The following RNF38 variants were observed in gnomAD, a reference collection of about 807,000 sequenced individuals.
RNF38 encodes the protein E3 ubiquitin-protein ligase RNF38.
Under a neutral mutation model 67.2 loss-of-function variants are expected in RNF38, and 15 were observed. The ratio of observed to expected loss-of-function variants is 0.22; its 90% CI spans 0.15 to 0.34. The LOEUF (loss-of-function observed/expected upper bound fraction) is 0.34, where lower values mean the gene tolerates loss of function less well. RNF38 is among the 10% of genes least tolerant of loss of function. The pLI is 1.00. For synonymous variants in RNF38, 220 were observed against 218.8 expected, an observed-to-expected ratio of 1.01 and a Z score of -0.05; for missense variants, 524 against 639.9, an observed-to-expected ratio of 0.82 and a Z score of 1.95.
At chr9:36,457,320 G>A (rs774954587) in intron 1 of RNF38, among the ~76,000 whole-genome samples, 1 of 152,124 alleles carries the variant, frequency 6.6e-6, no homozygotes, top group Non-Finnish European at 1.5e-5. Flanking sequence ...TTGGAGTAAG[G>A]CATGCTTTAA....
chr9:36,400,381 G>T (rs907416845), upstream of RNF38: 3 of 1,171,184 alleles, frequency 2.6e-6, no homozygotes, highest in Non-Finnish European at 2.1e-6. Context: ...GCCGGGCAGC[G>T]GGCCGGCGGC....
intron 2 of RNF38, among the ~76,000 whole-genome samples, chr9:36,412,982 G>C (rs1192515629): frequency 6.6e-6 from 1 of 152,080 alleles, no homozygotes; most frequent in Non-Finnish European, 1.5e-5. Flanking sequence ...TGAAGCAGGA[G>C]AATCGCTTGA....
At chr9:36,381,362 G>A (rs976458100) in intron 2 of RNF38, among the ~76,000 whole-genome samples, 1 of 152,080 alleles carries the variant, frequency 6.6e-6, no homozygotes, top group Admixed American at 6.6e-5. Context: ...TTCTTGGCCT[G>A]GACAGGAAGG....
At chr9:36,461,790 G>A (rs939872773) in intron 1 of RNF38, among the ~76,000 whole-genome samples, 7 of 152,114 alleles carry the variant, frequency 4.6e-5, no homozygotes, top group African/African-American at 1.4e-4. Context: ...AAGCATTTCC[G>A]ATGGAAAAAA....
At position 36,336,954 on chromosome 9, in the gene RNF38, T is replaced by C. The variant is rs1291373644; in HGVS notation, c.*2798A>G. 6.6e-6 allele frequency: 1 copy of C among 152,156 alleles called. No individual in the cohort carries two copies. Among genetic ancestry groups the C allele is most frequent in the Non-Finnish European group, 1.5e-5 (1 of 68,040 alleles). 9.4% of individuals were successfully genotyped at this position (152,156 alleles called of 1,614,324 possible). A position where few individuals can be genotyped will look rare whatever the true frequency, so the allele number is the denominator to read the frequency against. On this transcript the variant is annotated 3_prime_UTR_variant, in exon 12 of 12. Coordinates refer to ENST00000259605, the MANE Select transcript of RNF38 (RefSeq NM_022781.5). ...AATCCTAATATGAGATCTTGATACCTGGAGGCCTTATTTTTTTGAGGGGCT... is the reference window on the plus strand; with the variant it reads ...AATCCTAATATGAGATCTTGATACCCGGAGGCCTTATTTTTTTGAGGGGCT...
At chr9:36,372,590 TA>T (rs1256613796) in intron 3 of RNF38, 1 of 709,738 alleles carries the variant, frequency 1.4e-6, no homozygotes, top group African/African-American at 1.8e-5. Flanking sequence ...TGCTTATAGG[TA>T]ACCTATATTA....
intron 1 of RNF38, among the ~76,000 whole-genome samples, chr9:36,397,649 A>C (rs1277066093): frequency 3.9e-5 from 6 of 152,222 alleles, no homozygotes; most frequent in Non-Finnish European, 8.8e-5. Context: ...CCCAGTCCAC[A>C]ATCCCATAAG....
chr9:36,416,114 AC>A (rs1838461639), intron 2 of RNF38, among the ~76,000 whole-genome samples: 1 of 148,426 alleles, frequency 6.7e-6, no homozygotes, highest in Admixed American at 6.8e-5. Flanking sequence ...GCGGAAAAAG[AC>A]CATCAAGTAA....
chr9:36,361,151 T>C lies in RNF38; in HGVS notation c.571-3209A>G, dbSNP rs542699940. On this transcript the variant is annotated intron_variant, in intron 4 of 11. Transcript: ENST00000259605. ...ATTTTGCTGAATCCAAGACATCAGATTGTATAGTCATTTTTTCCCCATACT... is the reference window on the plus strand; with the variant it reads ...ATTTTGCTGAATCCAAGACATCAGACTGTATAGTCATTTTTTCCCCATACT... 1.5e-3 allele frequency among the ~76,000 whole-genome samples: 232 copies of C among 151,850 alleles called. 1 individual carries two copies. The highest frequency in any genetic ancestry group is 5.4e-3 in the African/African-American group (223 of 41,396).
chr9:36,391,513 C>T (rs1035867336), intron 1 of RNF38, among the ~76,000 whole-genome samples: 1 of 151,182 alleles, frequency 6.6e-6, no homozygotes, highest in African/African-American at 2.4e-5. Flanking sequence ...ACATGGTCTT[C>T]TTTTTAGAGT....
At chr9:36,394,085 G>C (rs1222183002) in intron 1 of RNF38, among the ~76,000 whole-genome samples, 3 of 152,228 alleles carry the variant, frequency 2.0e-5, no homozygotes, top group African/African-American at 7.2e-5. Context: ...GACCAACCTG[G>C]CCAACATGAT....
chr9:36,408,974 G>C lies in RNF38; in HGVS notation n.312+15639C>G, dbSNP rs1215884170. Among the ~76,000 whole-genome samples, 9 of 152,282 alleles carry C rather than the reference G, an allele frequency of 5.9e-5. No homozygotes were observed. The East Asian group carries it at 1.5e-3, about 26-fold the overall frequency. On this transcript the variant is annotated intron_variant and non_coding_transcript_variant, in intron 2 of 3. Coordinates refer to the RNF38 transcript ENST00000488058. ...GGCAGAAGGGAGCGGATCACTTGAA[G>C]TCAGGAGTTCGAGGCCAGCCTGGCC...
intron 2 of RNF38, among the ~76,000 whole-genome samples, chr9:36,380,285 C>A (rs910484383): frequency 6.6e-6 from 1 of 152,166 alleles, no homozygotes; most frequent in African/African-American, 2.4e-5. Flanking sequence ...CTGCAACCTC[C>A]GCCTCCTGGG....
intron 2 of RNF38, among the ~76,000 whole-genome samples, chr9:36,384,579 T>C (rs144383738): frequency 1.3e-5 from 2 of 152,328 alleles, no homozygotes; most frequent in East Asian, 3.9e-4. Context: ...CTGAAAAATA[T>C]CCACCAGATG....
Position 36,341,793 on chromosome 9 carries a change from AATATATATATATATAT to A in RNF38, c.1485+516_1485+531del, listed in dbSNP as rs1193028456. ...GTGACACACTGAGACCCTGTTTCAA[AATATATATATATATAT>A]ATATATATATATATATATATATATA... On this transcript the variant is annotated intron_variant, in intron 11 of 11. Coordinates refer to ENST00000259605, the MANE Select transcript of RNF38 (RefSeq NM_022781.5). Among the ~76,000 whole-genome samples, 21 of 20,942 alleles carry A rather than the reference AATATATATATATATAT, an allele frequency of 1.0e-3. 1 individual carries two copies. In the South Asian group the frequency reaches 0.034, roughly 34 times the overall value. 13.7% of individuals were successfully genotyped at this position (20,942 alleles called of 152,430 possible).
intron 2 of RNF38, among the ~76,000 whole-genome samples, chr9:36,423,428 T>C (rs528026560): frequency 6.0e-4 from 92 of 152,172 alleles, no homozygotes; most frequent in African/African-American, 2.2e-3. Flanking sequence ...AGGATCTTGA[T>C]CAAAACAGCA....
intron 1 of RNF38, among the ~76,000 whole-genome samples, chr9:36,483,125 G>A (rs10123176): frequency 0.28 from 42,872 of 152,008 alleles, 6,036 homozygotes; most frequent in Admixed American, 0.33. Flanking sequence ...GGCTGTTCAC[G>A]CGTGTAATCC....
chr9:36,345,065 G>T, intron 9 of RNF38, 112 bp from the exon 10 acceptor site: 2 of 1,120,512 alleles, frequency 1.8e-6, no homozygotes, highest in Non-Finnish European at 2.5e-6. Context: ...GAGTATAGCG[G>T]CTGTTCACAG....
rs1189852389 is a variant in RNF38, at chr9:36,482,273, G to A, written n.241+5035C>T. 1.4e-4 allele frequency among the ~76,000 whole-genome samples: 21 copies of A among 150,900 alleles called. 1 individual carries two copies. The highest frequency in any genetic ancestry group is 1.5e-5 in the Non-Finnish European group (1 of 67,892). ...TCTCCACGTTGGCCAGGCTGGTCTC[G>A]AACTCCTGACCTCAGGTGATCCGCC... On this transcript the variant is annotated intron_variant and non_coding_transcript_variant, in intron 1 of 3. Transcript: ENST00000488058.
Sources: allele counts gnomAD v4.1 joint callset (sites outside exome capture counted in the v4.1 genomes callset), GRCh38; gene constraint gnomAD v4.1.1; transcripts MANE v1.5; gene names NCBI Gene and HGNC (gene_info 2026-07-23, HGNC 2026-07-21).